The following KLHL1 variants were observed in gnomAD, a reference collection of about 807,000 sequenced individuals.
The protein encoded by KLHL1 is kelch like family member 1.
In KLHL1, 47 loss-of-function variants were observed where a neutral mutation model predicts 77.7. The observed-to-expected ratio is 0.60, with a 90% CI of 0.48 to 0.77. The LOEUF (loss-of-function observed/expected upper bound fraction) is 0.77. Ranked by LOEUF, KLHL1 falls within the 30% of genes least tolerant of loss-of-function variation. KLHL1 has a pLI of 0.00. For missense variants in KLHL1, 925 were observed against 910.8 expected (o/e 1.02, Z -0.20); for synonymous variants, 360 against 325.2 (o/e 1.11, Z -1.15).
At chr13:69,809,131 C>T (rs759827756) in intron 6 of KLHL1, among the ~76,000 whole-genome samples, 2 of 152,084 alleles carry the variant, frequency 1.3e-5, no homozygotes, top group Non-Finnish European at 2.9e-5. Flanking sequence ...ACTTGGAAGA[C>T]ATATTTGAGG....
At chr13:69,811,714 T>C (rs1877889099) in intron 6 of KLHL1, among the ~76,000 whole-genome samples, 1 of 152,170 alleles carries the variant, frequency 6.6e-6, no homozygotes, top group Non-Finnish European at 1.5e-5. Context: ...TATGATTCTA[T>C]GCTTAGAAAA....
chr13:70,026,237 T>C (rs1885936622), intron 1 of KLHL1, among the ~76,000 whole-genome samples: 1 of 152,154 alleles, frequency 6.6e-6, no homozygotes, highest in Admixed American at 6.6e-5. Flanking sequence ...TGCTTCATCA[T>C]GTTATAAAAG....
At chr13:70,075,760 C>CATATATAT (rs33971927) in intron 1 of KLHL1, among the ~76,000 whole-genome samples, 3 of 140,782 alleles carry the variant, frequency 2.1e-5, no homozygotes, top group East Asian at 4.2e-4. Flanking sequence ...CATACACACA[C>CATATATAT]ATATATATAT....
chr13:69,843,402 T>C (rs1324262611), intron 5 of KLHL1, among the ~76,000 whole-genome samples: 1 of 151,674 alleles, frequency 6.6e-6, no homozygotes. Flanking sequence ...ACTCATGACA[T>C]AGATTTAAAT....
At chr13:70,066,012 A>G (rs1886997964) in intron 1 of KLHL1, among the ~76,000 whole-genome samples, 1 of 152,218 alleles carries the variant, frequency 6.6e-6, no homozygotes, top group African/African-American at 2.4e-5. Flanking sequence ...AAAGACATTG[A>G]TAAATATTTC....
intron 7 of KLHL1, among the ~76,000 whole-genome samples, chr13:69,754,032 G>T (rs985221880): frequency 4.6e-5 from 7 of 151,642 alleles, no homozygotes; most frequent in Non-Finnish European, 7.4e-5. Flanking sequence ...GTAGAGATGG[G>T]GGTGTACCTT....
intron 1 of KLHL1, among the ~76,000 whole-genome samples, chr13:70,080,381 C>A (rs770133266): frequency 6.6e-6 from 1 of 152,098 alleles, no homozygotes; most frequent in Non-Finnish European, 1.5e-5. Flanking sequence ...ATTAGAGGAA[C>A]GATCTTTAAA....
chr13:70,066,761 C>T (rs1192434548), intron 1 of KLHL1, among the ~76,000 whole-genome samples: 1 of 152,156 alleles, frequency 6.6e-6, no homozygotes, highest in Admixed American at 6.5e-5. Flanking sequence ...CACATCACAG[C>T]CTATGCTAAG....
intron 1 of KLHL1, among the ~76,000 whole-genome samples, chr13:70,052,234 C>T (rs967782903): frequency 1.3e-5 from 2 of 151,626 alleles, no homozygotes; most frequent in South Asian, 2.1e-4. Flanking sequence ...GGTCTCCTGT[C>T]GGTGTAGCAT....
intron 2 of KLHL1, among the ~76,000 whole-genome samples, chr13:69,965,277 G>T (rs1566452781): frequency 6.6e-6 from 1 of 152,112 alleles, no homozygotes; most frequent in East Asian, 1.9e-4. Context: ...CTCACTTCAT[G>T]TATCTTGGTC....
At chr13:69,778,160 G>C (rs1875930776) in intron 7 of KLHL1, among the ~76,000 whole-genome samples, 1 of 152,090 alleles carries the variant, frequency 6.6e-6, no homozygotes, top group African/African-American at 2.4e-5. Context: ...AAAATTTGCA[G>C]ATATTTGTTA....
chr13:69,977,914 A>G lies in KLHL1; in HGVS notation c.498-2112T>C, dbSNP rs770061614. ...GACAGAGAAGCTTACCAAATTCTAT[A>G]TCCACTGATATTACCTGTGTTCTCT... On this transcript the variant is annotated intron_variant, in intron 1 of 10. Coordinates refer to ENST00000377844, the MANE Select transcript of KLHL1 (RefSeq NM_020866.3). Among the ~76,000 whole-genome samples the G allele has an allele frequency of 2.0e-5, 3 of 152,338 alleles. No individual in the cohort carries two copies. In the South Asian group the frequency reaches 6.2e-4, roughly 32 times the overall value.
In KLHL1 at chr13:69,855,288, T is replaced by TTAGATAGA. The variant is rs200890874; in HGVS notation, c.1228-16134_1228-16127dup. 1.8e-4 allele frequency among the ~76,000 whole-genome samples: 25 copies of TTAGATAGA among 141,806 alleles called. 1 individual carries two copies. Among genetic ancestry groups the TTAGATAGA allele is most frequent in the Non-Finnish European group, 2.4e-4 (16 of 66,170 alleles). The allele number at this position is 141,806 out of a possible 152,430, so 93.0% of individuals were successfully genotyped here. A position where few individuals can be genotyped will look rare whatever the true frequency, so the allele number is the denominator to read the frequency against. On this transcript the variant is annotated intron_variant, in intron 5 of 10. Coordinates refer to ENST00000377844, the MANE Select transcript of KLHL1 (RefSeq NM_020866.3). ...AAGTATTTTATCACTCGTACTAATT[T>TTAGATAGA]TAGATAGATAGATAGATAGATAGAT...
chr13:69,932,349 G>C (rs531228444), intron 4 of KLHL1, among the ~76,000 whole-genome samples: 4 of 151,468 alleles, frequency 2.6e-5, no homozygotes, highest in East Asian at 3.9e-4. Flanking sequence ...TTTATTTGTG[G>C]AAGACTGTGC....
At chr13:69,706,913 GAT>G (rs1875652481) in intron 10 of KLHL1, among the ~76,000 whole-genome samples, 1 of 151,702 alleles carries the variant, frequency 6.6e-6, no homozygotes, top group Admixed American at 6.6e-5. Context: ...CTAGTTATGT[GAT>G]TACAATGGGA....
At chr13:70,057,760 G>A (rs1886780900) in intron 1 of KLHL1, among the ~76,000 whole-genome samples, 1 of 122,778 alleles carries the variant, frequency 8.1e-6, no homozygotes, top group Non-Finnish European at 1.6e-5. Context: ...TCCGGCCTGG[G>A]CGACAGAGCG....
intron 5 of KLHL1, among the ~76,000 whole-genome samples, chr13:69,849,478 T>C (rs2911517): frequency 0.93 from 141,559 of 151,452 alleles, 66,381 homozygotes; most frequent in East Asian, 0.99. Context: ...CAAGCACATT[T>C]ATGCTCTCTT....
At chr13:69,905,413 T>C (rs909566243) in intron 4 of KLHL1, among the ~76,000 whole-genome samples, 1 of 152,214 alleles carries the variant, frequency 6.6e-6, no homozygotes, top group South Asian at 2.1e-4. Flanking sequence ...GACCAAATGC[T>C]GGCATTAGTT....
chr13:69,797,510 A>T (rs919401110), intron 6 of KLHL1, among the ~76,000 whole-genome samples: 1 of 152,156 alleles, frequency 6.6e-6, no homozygotes, highest in Non-Finnish European at 1.5e-5. Flanking sequence ...ACCAGCTTTT[A>T]AAAAATAATC....
Sources: gnomAD v4.1 joint callset for allele counts (sites outside exome capture counted in the v4.1 genomes callset) on GRCh38, gnomAD v4.1.1 for gene constraint, MANE v1.5 for transcripts, NCBI Gene and HGNC (gene_info 2026-07-23, HGNC 2026-07-21) for gene names.